Variants in SHROOM2 observed in about 807,000 individuals in gnomAD.
The protein encoded by SHROOM2 is shroom family member 2, also known as protein Shroom2.
In SHROOM2, 33 loss-of-function variants were observed where a neutral mutation model predicts 75.9. That is an observed-to-expected ratio of 0.43 (90% confidence interval 0.33 to 0.58). The LOEUF is 0.58. Among genes scored for constraint, SHROOM2 ranks in the 20% least tolerant of loss-of-function variants. The probability of loss-of-function intolerance (pLI) is 0.04; values close to 1 mark genes in which losing one functional copy is unlikely to be tolerated. For synonymous variants in SHROOM2, 655 were observed against 663.6 expected, an observed-to-expected ratio of 0.99 and a Z score of 0.20; for missense variants, 1,434 against 1,461.2, an observed-to-expected ratio of 0.98 and a Z score of 0.30.
chrX:9,871,015 G>A (rs1208363096), intron 1 of SHROOM2, among the ~76,000 whole-genome samples: 1 of 111,537 alleles, frequency 9.0e-6, no homozygotes, highest in African/African-American at 3.3e-5. Context: ...TTTCAACAAG[G>A]TGGAATTCCC....
At chrX:9,835,665 A>G (rs1337681342) in intron 1 of SHROOM2, among the ~76,000 whole-genome samples, 2 of 110,971 alleles carry the variant, frequency 1.8e-5, no homozygotes, top group Admixed American at 1.9e-4. Flanking sequence ...GCCCTGCCCT[A>G]GGGGGGTACT....
chrX:9,894,977 CCT>C lies in SHROOM2; in HGVS notation c.1071_1072del (p.Arg358TrpfsTer2), dbSNP rs1173510564. 9 of 1,209,001 alleles carry C rather than the reference CCT, an allele frequency of 7.4e-6. No homozygotes were observed. The African/African-American group carries it at 1.6e-4, about 21-fold the overall frequency. Reference sequence around the variant, plus strand: ...CTTTACGGCCCTGGCCCAGGCTCAGCCTCGTGGTGACCGGAGACCAGAGCTCA... The same window carrying C: ...CTTTACGGCCCTGGCCCAGGCTCAGCCGTGGTGACCGGAGACCAGAGCTCA... The part of the protein sequence containing the change: ...QHFTALAQAQ[P>X]RGDRRPELTD... On this transcript the variant is annotated frameshift_variant, in exon 4 of 10. Transcript: ENST00000380913. LOFTEE classifies it high-confidence loss of function.
In SHROOM2 at chrX:9,937,609, G is replaced by A. The variant is rs756334742; in HGVS notation, c.4063G>A (p.Glu1355Lys). Residue 1355 changes from glutamate (E) to lysine (K), a missense_variant, in exon 7 of 10, where the codon GAG (glutamate) becomes AAG (lysine). Physicochemically the swap from Glu to Lys is moderately conservative, Grantham distance 56. Around this residue, in one of 3 missense-constraint regions of SHROOM2, gnomAD observed 1,340 missense variants for 1,338.3 expected, o/e 1.00. Transcript: ENST00000380913. ...DLMEGIFPKD[E>K]HLLEEAQQRR... is the part of the protein sequence containing the mutation. ...GATGGAAGGCATCTTCCCCAAAGAC[G>A]AGCACCTCCTGGAAGAAGCCCAGCA... The A allele has an allele frequency of 6.6e-5, 80 of 1,209,409 alleles. No individual in the cohort carries two copies. Among genetic ancestry groups the A allele is most frequent in the Admixed American group, 8.7e-5 (4 of 45,738 alleles).
At chrX:9,898,746 G>A (rs1038186917) in intron 5 of SHROOM2, among the ~76,000 whole-genome samples, 1 of 111,638 alleles carries the variant, frequency 9.0e-6, no homozygotes, top group African/African-American at 3.3e-5. Flanking sequence ...AAAGGAACAG[G>A]GCAGGCCTTC....
intron 1 of SHROOM2, among the ~76,000 whole-genome samples, chrX:9,793,158 A>G (rs2083676572): frequency 8.9e-6 from 1 of 112,157 alleles, no homozygotes; most frequent in South Asian, 3.7e-4. Flanking sequence ...AGAGACAACT[A>G]TCAAAACGTC....
Position 9,913,644 on chromosome X carries a change from C to T in SHROOM2, c.2891+15354C>T, listed in dbSNP as rs757151730. On this transcript the variant is annotated intron_variant, in intron 5 of 9. Transcript: ENST00000380913. ...TCTCTTTGGTCTGCATTTACTGACTCACAAGAGTAGGTGTCATTTTGAAAT... is the reference window on the plus strand; with the variant it reads ...TCTCTTTGGTCTGCATTTACTGACTTACAAGAGTAGGTGTCATTTTGAAAT... 2.7e-5 allele frequency among the ~76,000 whole-genome samples: 3 copies of T among 112,079 alleles called. No individual in the cohort carries two copies. The South Asian group carries it at 1.1e-3, about 41-fold the overall frequency.
intron 5 of SHROOM2, among the ~76,000 whole-genome samples, chrX:9,916,093 C>T (rs891817712): frequency 1.8e-5 from 2 of 111,714 alleles, no homozygotes; most frequent in Admixed American, 9.5e-5. Flanking sequence ...ATTAACATTT[C>T]CTATTTTAAA....
intron 5 of SHROOM2, among the ~76,000 whole-genome samples, chrX:9,904,135 C>G (rs1187917975): frequency 9.0e-6 from 1 of 110,844 alleles, no homozygotes; most frequent in Non-Finnish European, 1.9e-5. Context: ...GATGCCAGAG[C>G]TGAGGGAAGC....
chrX:9,895,943 A>G lies in SHROOM2; in HGVS notation c.2035A>G (p.Thr679Ala). The G allele has an allele frequency of 8.4e-7, 1 of 1,193,671 alleles. No individual in the cohort carries two copies. The highest frequency in any genetic ancestry group is 1.8e-5 in the South Asian group (1 of 54,469). Residue 679 changes from threonine (T) to alanine (A), a missense_variant, in exon 4 of 10, where the codon ACC becomes GCC. Physicochemically the swap from Thr to Ala is moderately conservative, Grantham distance 58. Around this residue, in one of 3 missense-constraint regions of SHROOM2, gnomAD observed 1,340 missense variants for 1,338.3 expected, o/e 1.00. Coordinates refer to ENST00000380913, the MANE Select transcript of SHROOM2 (RefSeq NM_001649.4). ...GGTQEGPLAGTYKDHLKEAQA... is the reference protein window; with the variant it reads ...GGTQEGPLAGAYKDHLKEAQA... ...CACCCAGGAAGGACCCCTCGCTGGC[A>G]CCTATAAAGACCACCTGAAAGAGGC...
At chrX:9,901,153 C>T (rs1019555980) in intron 5 of SHROOM2, among the ~76,000 whole-genome samples, 2 of 110,854 alleles carry the variant, frequency 1.8e-5, no homozygotes, top group African/African-American at 3.3e-5. Context: ...CTCACAAGGT[C>T]GTCCCTCTGC....
chrX:9,910,369 C>T (rs998722306), intron 5 of SHROOM2, among the ~76,000 whole-genome samples: 10 of 111,413 alleles, frequency 9.0e-5, no homozygotes, highest in African/African-American at 3.3e-4. Context: ...TGGGAGCTCT[C>T]GCCTGGCTGT....
intron 5 of SHROOM2, among the ~76,000 whole-genome samples, chrX:9,920,481 G>A: frequency 8.9e-6 from 1 of 112,104 alleles, no homozygotes; most frequent in Non-Finnish European, 1.9e-5. Flanking sequence ...GACCTTAGTA[G>A]CTTTAAGCTT....
chrX:9,927,605 G>T (rs1468748086), intron 5 of SHROOM2, among the ~76,000 whole-genome samples: 3 of 111,771 alleles, frequency 2.7e-5, no homozygotes, highest in African/African-American at 9.7e-5. Context: ...TTGAAAAAAT[G>T]CAGCTTCTCA....
chrX:9,802,110 T>TA (rs1202636441), intron 1 of SHROOM2, among the ~76,000 whole-genome samples: 1 of 110,280 alleles, frequency 9.1e-6, no homozygotes, highest in Non-Finnish European at 1.9e-5. Context: ...TTTCTTTTTT[T>TA]AAAAGAGATG....
At chrX:9,890,477 G>C (rs1379751399) in intron 2 of SHROOM2, among the ~76,000 whole-genome samples, 6 of 113,977 alleles carry the variant, frequency 5.3e-5, no homozygotes, top group African/African-American at 1.6e-4. Context: ...GAAGGTGTGG[G>C]TTTGGATTCA....
intron 6 of SHROOM2, among the ~76,000 whole-genome samples, chrX:9,936,285 T>C (rs2084705168): frequency 9.1e-6 from 1 of 109,767 alleles, no homozygotes; most frequent in African/African-American, 3.3e-5. Flanking sequence ...CTAATTTTTG[T>C]ATTTTTAGTA....
rs1352063312 is a variant in SHROOM2 at position 9,943,249 on chromosome X, A to AAATAT, written c.4312-1388_4312-1387insTAATA. Among the ~76,000 whole-genome samples the AAATAT allele has an allele frequency of 8.2e-5, 9 of 110,362 alleles. No homozygotes were observed. In the East Asian group the frequency reaches 2.6e-3, roughly 31 times the overall value. ...TCAAAAAATAAAATAAAATAAAATA[A>AAATAT]AATAAATGCATCCATGTGAGGGAAA... On this transcript the variant is annotated intron_variant, in intron 8 of 9. Coordinates refer to ENST00000380913, the MANE Select transcript of SHROOM2 (RefSeq NM_001649.4).
chrX:9,823,181 T>TCTC (rs1218476444), intron 1 of SHROOM2, among the ~76,000 whole-genome samples: 2 of 59,677 alleles, frequency 3.4e-5, no homozygotes, highest in African/African-American at 1.2e-4. Context: ...TTCTTCTTCT[T>TCTC]CTCCTCCTCC....
chrX:9,853,308 T>C (rs1388647307), intron 1 of SHROOM2, among the ~76,000 whole-genome samples: 1 of 112,187 alleles, frequency 8.9e-6, no homozygotes, highest in Non-Finnish European at 1.9e-5. Flanking sequence ...CACCAGCAGT[T>C]CTTTGTGCTC....
Sources: allele counts gnomAD v4.1 joint callset (sites outside exome capture counted in the v4.1 genomes callset), GRCh38; gene constraint gnomAD v4.1.1; regional missense constraint gnomAD v4.1.1; transcripts MANE v1.5; gene names NCBI Gene and HGNC (gene_info 2026-07-23, HGNC 2026-07-21).